HYLS1: variants seen among roughly 807,000 people sequenced by gnomAD.
HYLS1 encodes the protein centriolar and ciliogenesis-associated protein HYLS1.
A neutral mutation model predicts 29.4 loss-of-function variants in HYLS1; 25 were observed. The observed-to-expected ratio is 0.85, with a 90% CI of 0.62 to 1.19. HYLS1 has a LOEUF of 1.19. HYLS1 is among the 50% of genes most tolerant of loss of function. The pLI, the probability that HYLS1 is intolerant of heterozygous loss-of-function variation, is 0.00. For synonymous variants in HYLS1, 128 were observed against 126.7 expected (o/e 1.01, Z -0.07); for missense variants, 352 against 365.1 (o/e 0.96, Z 0.29).
At chr11:125,895,790 C>A in intron 2 of HYLS1, 2 of 1,592,568 alleles carry the variant, frequency 1.3e-6, no homozygotes, top group Non-Finnish European at 1.7e-6. Flanking sequence ...GTGAGATCAC[C>A]TGTGGAGTTA....
chr11:125,890,911 G>A (rs970094902), intron 1 of HYLS1, among the ~76,000 whole-genome samples: 3 of 151,362 alleles, frequency 2.0e-5, no homozygotes, highest in South Asian at 2.1e-4. Flanking sequence ...ATTAATCACT[G>A]TATAGTAGGA....
intron 2 of HYLS1, among the ~76,000 whole-genome samples, chr11:125,891,714 T>C (rs1944412332): frequency 6.6e-6 from 1 of 152,208 alleles, no homozygotes; most frequent in African/African-American, 2.4e-5. Context: ...TGAATAAATC[T>C]TAAGTAATTT....
At chr11:125,893,728 T>A in intron 2 of HYLS1, 1 of 1,400,992 alleles carries the variant, frequency 7.1e-7, no homozygotes. Context: ...TTTTTTTTTT[T>A]CCTTTTCTGT....
At chr11:125,892,784 A>G (rs371660768) in intron 2 of HYLS1, among the ~76,000 whole-genome samples, 19 of 152,280 alleles carry the variant, frequency 1.2e-4, no homozygotes, top group South Asian at 4.1e-4. Context: ...ACTCAGAGCA[A>G]TATTTTTGCC....
Position 125,900,392 on chromosome 11 carries a change from TCATTGG to T in HYLS1, c.*125_*130del, listed in dbSNP as rs761701639. ...CATTTTATGGTAAGGACTTCACCTA[TCATTGG>T]TCTTTCCTAGCTATATATCACATTG... On this transcript the variant is annotated 3_prime_UTR_variant, in exon 3 of 3. Coordinates refer to ENST00000425380, the MANE Select transcript of HYLS1 (RefSeq NM_001134793.2). The T allele has an allele frequency of 3.4e-6, 3 of 890,098 alleles. No homozygotes were observed. The highest frequency in any genetic ancestry group is 5.4e-6 in the Non-Finnish European group (3 of 558,290). 55.1% of individuals were successfully genotyped at this position (890,098 alleles called of 1,614,324 possible).
upstream of HYLS1, among the ~76,000 whole-genome samples, chr11:125,885,373 C>G (rs113755609): frequency 7.3e-4 from 111 of 152,146 alleles, 1 homozygote; most frequent in African/African-American, 7.7e-4. Context: ...ATCATTTGAA[C>G]CTGGGAGGTG....
rs756816369 is a variant in HYLS1 at position 125,894,249 on chromosome 11, T to TA, written c.-26+2778dup. 6.2e-7 allele frequency: 1 copy of TA among 1,612,446 alleles called. No individual in the cohort carries two copies. The highest frequency in any genetic ancestry group is 8.5e-7 in the Non-Finnish European group (1 of 1,178,656). On this transcript the variant is annotated intron_variant, in intron 2 of 2. Coordinates refer to ENST00000425380, the MANE Select transcript of HYLS1 (RefSeq NM_001134793.2). Reference sequence around the variant, plus strand: ...TAGATCCACTTGACATTTTCAAACTTACAGTCATATAAGACTAGAGGAAAT... The same window carrying TA: ...TAGATCCACTTGACATTTTCAAACTTAACAGTCATATAAGACTAGAGGAAAT...
At position 125,900,252 on chromosome 11, in the gene HYLS1, C is replaced by T; in HGVS notation, c.884C>T (p.Pro295Leu). The T allele has an allele frequency of 6.2e-7, 1 of 1,614,158 alleles. No individual in the cohort carries two copies. The highest frequency in any genetic ancestry group is 8.5e-7 in the Non-Finnish European group (1 of 1,180,010). The change falls in exon 3 of 3, where the codon CCT becomes CTT. Residue 295 changes from proline to leucine, a missense_variant. Coordinates refer to ENST00000425380, the MANE Select transcript of HYLS1 (RefSeq NM_001134793.2). ...NGVIPRKLPF[P>L]LSPS is the part of the protein sequence containing the mutation. ...GTCATACCCAGGAAGCTTCCCTTCC[C>T]TCTTTCTCCTTCTTAAATCTTTTTA...
chr11:125,896,325 C>T (rs752289202), intron 2 of HYLS1: 2 of 1,532,376 alleles, frequency 1.3e-6, no homozygotes, highest in Admixed American at 1.9e-5. Flanking sequence ...TACAGGTCTG[C>T]CCTGTCTGAA....
Position 125,900,394 on chromosome 11 carries a change from A to G in HYLS1, c.*126A>G. ...TTTTATGGTAAGGACTTCACCTATC[A>G]TTGGTCTTTCCTAGCTATATATCAC... On this transcript the variant is annotated 3_prime_UTR_variant, in exon 3 of 3. Coordinates refer to ENST00000425380, the MANE Select transcript of HYLS1 (RefSeq NM_001134793.2). 2 of 883,998 alleles carry G rather than the reference A, an allele frequency of 2.3e-6. No homozygotes were observed. Among genetic ancestry groups the G allele is most frequent in the Admixed American group, 2.2e-5 (1 of 45,152 alleles). 54.8% of individuals were successfully genotyped at this position (883,998 alleles called of 1,614,324 possible). A position where few individuals can be genotyped will look rare whatever the true frequency, so the allele number is the denominator to read the frequency against.
intron 2 of HYLS1, among the ~76,000 whole-genome samples, chr11:125,897,225 A>G (rs1048137356): frequency 3.9e-5 from 6 of 152,198 alleles, no homozygotes; most frequent in South Asian, 4.1e-4. Flanking sequence ...GTTTTTTACT[A>G]TGAGTTTCTG....
At chr11:125,893,338 C>G (rs926499229) in intron 2 of HYLS1, 1 of 153,602 alleles carries the variant, frequency 6.5e-6, no homozygotes, top group Non-Finnish European at 1.4e-5. Flanking sequence ...TGGCATTAAA[C>G]CAATTTATCC....
upstream of HYLS1, chr11:125,887,210 G>C (rs1359899311): frequency 6.6e-6 from 1 of 152,452 alleles, no homozygotes; most frequent in Non-Finnish European, 1.5e-5. Context: ...AACCGTCCCT[G>C]AGCGCCCGCC....
chr11:125,898,766 T>TA (rs146856926), intron 2 of HYLS1, among the ~76,000 whole-genome samples: 1 of 92,200 alleles, frequency 1.1e-5, no homozygotes, highest in Non-Finnish European at 2.7e-5. Flanking sequence ...GCTTTTGTGA[T>TA]TTTTTTTTTT....
intron 1 of HYLS1, among the ~76,000 whole-genome samples, chr11:125,890,504 A>G (rs1944390631): frequency 6.6e-6 from 1 of 152,172 alleles, no homozygotes; most frequent in South Asian, 2.1e-4. Context: ...GAAATTTGTT[A>G]TAACTCTGCA....
rs550588834 is a variant in HYLS1 at position 125,899,255 on chromosome 11, T to C, written c.-25-89T>C. On this transcript the variant is annotated intron_variant, in intron 2 of 2. Coordinates refer to ENST00000425380, the MANE Select transcript of HYLS1 (RefSeq NM_001134793.2). ...ATGGCCTTAGCCATTCTTTCTCCAT[T>C]TGACTGCTATAAAACGGAGATAAGG... 3.4e-6 allele frequency: 3 copies of C among 886,146 alleles called. No homozygotes were observed. The Admixed American group carries it at 6.9e-5, about 20-fold the overall frequency. 54.9% of individuals were successfully genotyped at this position (886,146 alleles called of 1,614,324 possible).
At chr11:125,896,331 C>T (rs777661577) in intron 2 of HYLS1, 1 of 1,519,054 alleles carries the variant, frequency 6.6e-7, no homozygotes. Context: ...TCTGCCCTGT[C>T]TGAAAAGAGA....
At chr11:125,898,092 G>A (rs780992083) in intron 2 of HYLS1, among the ~76,000 whole-genome samples, 5 of 151,496 alleles carry the variant, frequency 3.3e-5, no homozygotes, top group Non-Finnish European at 5.9e-5. Context: ...TGTCCTTTAC[G>A]GTATTAAAAA....
At chr11:125,896,133 G>C (rs768492532) in intron 2 of HYLS1, 1 of 1,614,192 alleles carries the variant, frequency 6.2e-7, no homozygotes, top group Non-Finnish European at 8.5e-7. Flanking sequence ...TGCACGCTTA[G>C]TTTTTCCAGC....
Sources: allele counts gnomAD v4.1 joint callset (sites outside exome capture counted in the v4.1 genomes callset), GRCh38; gene constraint gnomAD v4.1.1; transcripts MANE v1.5; gene names NCBI Gene and HGNC (gene_info 2026-07-23, HGNC 2026-07-21).